The following DBT variants were observed in gnomAD, a reference collection of about 807,000 sequenced individuals.
The protein encoded by DBT is lipoamide acyltransferase component of branched-chain alpha-keto acid dehydrogenase complex, mitochondrial.
In DBT, 40 loss-of-function variants were observed where a neutral mutation model predicts 51.3. The ratio of observed to expected loss-of-function variants is 0.78; its 90% CI spans 0.61 to 1.02. DBT has a LOEUF of 1.02. DBT is among the 50% of genes least tolerant of loss of function. The pLI, the probability that DBT is intolerant of heterozygous loss-of-function variation, is 0.00. For missense variants in DBT, 510 were observed against 580.2 expected, an observed-to-expected ratio of 0.88 and a Z score of 1.24; for synonymous variants, 181 against 190.4, an observed-to-expected ratio of 0.95 and a Z score of 0.41.
rs1009840621 is a variant in DBT, at chr1:100,187,027, G to A, written c.*9228C>T. The A allele has an allele frequency of 7.9e-5, 12 of 152,204 alleles. No homozygotes were observed. 9.4% of individuals were successfully genotyped at this position (152,204 alleles called of 1,614,324 possible). On this transcript the variant is annotated 3_prime_UTR_variant, in exon 11 of 11. Transcript: ENST00000370132. ...CTCCATTTGAGAAAAAGCATGCCATGAGTCTAAATAACCAATTTCATTTAG... is the reference window on the plus strand; with the variant it reads ...CTCCATTTGAGAAAAAGCATGCCATAAGTCTAAATAACCAATTTCATTTAG...
At chr1:100,245,987 G>A (rs1184241286) in intron 1 of DBT, among the ~76,000 whole-genome samples, 1 of 152,064 alleles carries the variant, frequency 6.6e-6, no homozygotes, top group Admixed American at 6.5e-5. Flanking sequence ...AATTAGGCCA[G>A]GTGCAGTGGC....
chr1:100,216,072 G>A lies in DBT; in HGVS notation c.683C>T (p.Pro228Leu), dbSNP rs1662465927. 3.1e-6 allele frequency: 5 copies of A among 1,613,490 alleles called. No homozygotes were observed. In the African/African-American group the frequency reaches 5.3e-5, roughly 17 times the overall value. ...AGTCATGTCTTTTGGCTTTGGTGGA[G>A]GTGGCATAATTTCAACTTTGGGTGA... ...PPSPKVEIMP[P>L]PPKPKDMTVP... The change falls in exon 6 of 11, where the codon CCT becomes CTT. Residue 228 changes from proline (P) to leucine (L), a missense_variant. Physicochemically the swap from Pro to Leu is moderately conservative, Grantham distance 98. Coordinates refer to ENST00000370132, the MANE Select transcript of DBT (RefSeq NM_001918.5).
At chr1:100,197,213 C>A (rs1661167630) in intron 10 of DBT, among the ~76,000 whole-genome samples, 1 of 152,202 alleles carries the variant, frequency 6.6e-6, no homozygotes, top group Non-Finnish European at 1.5e-5. Flanking sequence ...CTATACTGAT[C>A]TCCTCATGGC....
chr1:100,209,754 G>A (rs1228403682), intron 8 of DBT, among the ~76,000 whole-genome samples: 1 of 151,598 alleles, frequency 6.6e-6, no homozygotes, highest in Admixed American at 6.6e-5. Flanking sequence ...TAGAGACAGG[G>A]TTTCACCATG....
rs955737855 is a variant in DBT, at chr1:100,235,509, G to A, written c.178C>T (p.Leu60Phe). The A allele has an allele frequency of 1.3e-6, 2 of 1,560,500 alleles. No homozygotes were observed. The highest frequency in any genetic ancestry group is 1.7e-5 in the Admixed American group (1 of 59,874). ...TTGAACTGAACAACCTGTCCACGGA[G>A]AGCTTCAAAGACAAATGAGAAATGA... is the stretch of plus-strand genomic sequence containing the variant. ...PHHFLKTTAA[L>F]RGQVVQFKLS... Residue 60 changes from leucine (L) to phenylalanine (F), a missense_variant and splice_region_variant, in exon 3 of 11, where the codon CTC (leucine) becomes TTC (phenylalanine). Physicochemically the swap from Leu to Phe is conservative, Grantham distance 22 (BLOSUM62 0). Transcript: ENST00000370132.
At chr1:100,244,594 G>A (rs1248029375) in intron 1 of DBT, among the ~76,000 whole-genome samples, 5 of 152,004 alleles carry the variant, frequency 3.3e-5, no homozygotes, top group African/African-American at 9.7e-5. Context: ...AAGATCCCCC[G>A]GTGGGTGCCT....
In DBT at chr1:100,193,861, A is replaced by G. The variant is rs1660929990; in HGVS notation, c.*2394T>C. The G allele has an allele frequency of 1.3e-5, 2 of 152,212 alleles. No individual in the cohort carries two copies. Among genetic ancestry groups the G allele is most frequent in the Non-Finnish European group, 2.9e-5 (2 of 68,042 alleles). 9.4% of individuals were successfully genotyped at this position (152,212 alleles called of 1,614,324 possible). ...TGTGATCTACCTGCCTTGGCCTCCC[A>G]AAGTGGTAGGATTACAGGCGTGAGC... is the stretch of plus-strand genomic sequence containing the variant. On this transcript the variant is annotated 3_prime_UTR_variant, in exon 11 of 11. Coordinates refer to ENST00000370132, the MANE Select transcript of DBT (RefSeq NM_001918.5).
At chr1:100,210,529 A>AAAC (rs1235981091) in intron 8 of DBT, 165 bp downstream of exon 8, 1 of 987,080 alleles carries the variant, frequency 1.0e-6, no homozygotes, top group African/African-American at 1.7e-5. Flanking sequence ...ATTAACACAA[A>AAAC]AACAACAACA....
At chr1:100,235,569 C>G in intron 2 of DBT, 58 bp from the exon 3 acceptor site, 1 of 891,618 alleles carries the variant, frequency 1.1e-6, no homozygotes, top group Non-Finnish European at 1.8e-6. Flanking sequence ...CTAATATATA[C>G]TTTCACATCT....
chr1:100,225,398 A>G (rs1212583580), intron 4 of DBT, among the ~76,000 whole-genome samples: 1 of 152,054 alleles, frequency 6.6e-6, no homozygotes, highest in African/African-American at 2.4e-5. Context: ...TGTTATAGAG[A>G]ATATTAATTT....
At chr1:100,215,910 A>T in intron 6 of DBT, 73 bp downstream of exon 6, 1 of 887,928 alleles carries the variant, frequency 1.1e-6, no homozygotes, top group Admixed American at 1.7e-5. Flanking sequence ...TATTATATAC[A>T]TTTATCTACT....
rs1344704881 is a variant in DBT, at chr1:100,218,667, G to A, written c.514C>T (p.Leu172=). ...AGACGGCGAACTGCAGGAGTTGCCA[G>A]TGTTTTTCGGCCCTTTATCTCTTGG... ...THQEIKGRKT[L]ATPAVRRLAM... Residue 172 remains leucine, a synonymous_variant, in exon 5 of 11, where the codon CTG becomes TTG. Transcript: ENST00000370132. The A allele has an allele frequency of 6.2e-7, 1 of 1,614,006 alleles. No individual in the cohort carries two copies. Among genetic ancestry groups the A allele is most frequent in the Admixed American group, 1.7e-5 (1 of 60,008 alleles).
intron 10 of DBT, among the ~76,000 whole-genome samples, chr1:100,202,334 G>T (rs1398980682): frequency 1.3e-5 from 2 of 152,144 alleles, no homozygotes; most frequent in Non-Finnish European, 2.9e-5. Flanking sequence ...TAATGGTAAA[G>T]GGATCAATGC....
In DBT at chr1:100,215,546, C is replaced by T. The variant is rs143171554; in HGVS notation, c.772+437G>A. Among the ~76,000 whole-genome samples, 1,413 of 152,256 alleles carry T rather than the reference C, an allele frequency of 9.3e-3. 24 individuals are homozygous for T. The highest frequency in any genetic ancestry group is 0.033 in the African/African-American group (1,363 of 41,562). On this transcript the variant is annotated intron_variant, in intron 6 of 10. Transcript: ENST00000370132. ...TCACCATTTAAAAATTATGGCCAGG[C>T]GCAGTGGCTCACGCCTGTAATCCCT...
Position 100,191,830 on chromosome 1 carries a change from G to T in DBT, c.*4425C>A, listed in dbSNP as rs1030557885. The T allele has an allele frequency of 2.0e-5, 3 of 151,746 alleles. No homozygotes were observed. The highest frequency in any genetic ancestry group is 4.4e-5 in the Non-Finnish European group (3 of 68,456). The allele number at this position is 151,746 out of a possible 1,614,324, so 9.4% of individuals were successfully genotyped here. On this transcript the variant is annotated 3_prime_UTR_variant, in exon 11 of 11. Transcript: ENST00000370132. ...CACAGAGTCTTGCTCTGTCGCCCAG[G>T]CTGGAGCGCAATGGCACAATCTCAG... is the stretch of plus-strand genomic sequence containing the variant.
intron 8 of DBT, among the ~76,000 whole-genome samples, chr1:100,209,916 A>G (rs1365878341): frequency 7.5e-6 from 1 of 133,978 alleles, no homozygotes; most frequent in Admixed American, 7.2e-5. Context: ...TCTCAAAAAG[A>G]GTTTTCGGTC....
rs538145684 is a variant in DBT at position 100,244,580 on chromosome 1, G to A, written c.52-3696C>T. ...TTATCTCCTTATGTGCAGTGGACAC[G>A]TTCAAGATCCCCCGGTGGGTGCCTA... On this transcript the variant is annotated intron_variant, in intron 1 of 10. Transcript: ENST00000370132. Among the ~76,000 whole-genome samples, 278 of 152,206 alleles carry A rather than the reference G, an allele frequency of 1.8e-3. 1 individual carries two copies. The highest frequency in any genetic ancestry group is 0.014 in the Middle Eastern group (4 of 294).
At chr1:100,213,015 T>C (rs1229635388) in intron 7 of DBT, among the ~76,000 whole-genome samples, 1 of 152,150 alleles carries the variant, frequency 6.6e-6, no homozygotes, top group Admixed American at 6.5e-5. Flanking sequence ...ACTGGACATG[T>C]TGGCATTACA....
chr1:100,225,094 CAT>C (rs1663112774), intron 4 of DBT, among the ~76,000 whole-genome samples: 2 of 134,468 alleles, frequency 1.5e-5, no homozygotes, highest in Non-Finnish European at 3.1e-5. Context: ...CACACACACA[CAT>C]ATAATCTGAT....
Sources: allele counts gnomAD v4.1 joint callset (sites outside exome capture counted in the v4.1 genomes callset), GRCh38; gene constraint gnomAD v4.1.1; transcripts MANE v1.5; gene names NCBI Gene and HGNC (gene_info 2026-07-23, HGNC 2026-07-21).